The following RAPH1 variants were observed in gnomAD, a reference collection of about 807,000 sequenced individuals.
RAPH1 encodes ras-associated and pleckstrin homology domains-containing protein 1.
In RAPH1, 18 loss-of-function variants were observed where a neutral mutation model predicts 88.1. That is an observed-to-expected ratio of 0.20 (90% confidence interval 0.14 to 0.30). RAPH1 has a LOEUF of 0.30. Among genes scored for constraint, RAPH1 ranks in the 10% least tolerant of loss-of-function variants. The pLI is 1.00. For synonymous variants in RAPH1, 587 were observed against 559.0 expected (o/e 1.05, Z -0.71); for missense variants, 1,448 against 1,543.2 (o/e 0.94, Z 1.03).
chr2:203,462,873 G>T (rs753819419), intron 4 of RAPH1, among the ~76,000 whole-genome samples: 10 of 151,788 alleles, frequency 6.6e-5, no homozygotes, highest in African/African-American at 1.2e-4. Context: ...CTATTTCTAG[G>T]CTTTTGATTA....
intron 12 of RAPH1, 183 bp from the exon 13 acceptor site, chr2:203,445,193 G>C: frequency 2.1e-6 from 1 of 470,896 alleles, no homozygotes. Flanking sequence ...CCTTACCTTG[G>C]AATTAAGAAA....
intron 12 of RAPH1, chr2:203,445,545 G>A (rs908205118): frequency 3.9e-5 from 6 of 152,708 alleles, no homozygotes; most frequent in African/African-American, 1.4e-4. Flanking sequence ...TGGACCCATA[G>A]GGTGGCAGCT....
intron 1 of RAPH1, among the ~76,000 whole-genome samples, chr2:203,517,349 C>A (rs1689659623): frequency 1.0e-5 from 1 of 97,974 alleles, no homozygotes; most frequent in South Asian, 3.3e-4. Flanking sequence ...GAGCATCAAA[C>A]TATGAGAGGC....
chr2:203,491,809 A>G (rs1401604360), intron 2 of RAPH1, among the ~76,000 whole-genome samples: 1 of 152,212 alleles, frequency 6.6e-6, no homozygotes, highest in Non-Finnish European at 1.5e-5. Flanking sequence ...TATCTGGCCT[A>G]TGCTTACTTT....
chr2:203,525,187 T>A (rs1381076811), intron 1 of RAPH1, among the ~76,000 whole-genome samples: 3 of 152,186 alleles, frequency 2.0e-5, no homozygotes, highest in Admixed American at 2.0e-4. Flanking sequence ...TATTAACATC[T>A]TCTTTTTTGT....
At chr2:203,503,559 C>T (rs1476958913) in intron 1 of RAPH1, among the ~76,000 whole-genome samples, 3 of 152,136 alleles carry the variant, frequency 2.0e-5, no homozygotes, top group African/African-American at 7.2e-5. Flanking sequence ...CTGGGAGATA[C>T]AATTCAAGTT....
chr2:203,482,269 T>C lies in RAPH1; in HGVS notation c.732+7315A>G, dbSNP rs535255341. Among the ~76,000 whole-genome samples, 9 of 152,280 alleles carry C rather than the reference T, an allele frequency of 5.9e-5. No individual in the cohort carries two copies. In the East Asian group the frequency reaches 1.5e-3, roughly 26 times the overall value. On this transcript the variant is annotated intron_variant, in intron 4 of 13. Coordinates refer to ENST00000319170, the MANE Select transcript of RAPH1 (RefSeq NM_213589.3). ...GGCATCATCTCAGCTCACTGCAACC[T>C]CTGCCGCCCAGGTTCAAGTGATTCT...
chr2:203,507,106 A>G (rs1233518934), intron 1 of RAPH1, among the ~76,000 whole-genome samples: 1 of 150,784 alleles, frequency 6.6e-6, no homozygotes, highest in Non-Finnish European at 1.5e-5. Flanking sequence ...CATGTTGACC[A>G]GGCTGGTCTT....
intron 1 of RAPH1, among the ~76,000 whole-genome samples, chr2:203,529,005 ATTTTT>A (rs66832810): frequency 1.4e-3 from 56 of 41,136 alleles, no homozygotes; most frequent in African/African-American, 6.2e-3. Context: ...ATATATATAT[ATTTTT>A]TTTTTTTTTT....
intron 2 of RAPH1, among the ~76,000 whole-genome samples, chr2:203,493,971 C>CAAAAAAAAAAAAAAAAAAA (rs397937732): frequency 1.6e-4 from 3 of 18,964 alleles, no homozygotes; most frequent in Non-Finnish European, 2.4e-4. Flanking sequence ...GACTCTATCT[C>CAAAAAAAAAAAAAAAAAAA]AAAAAAAAAA....
chr2:203,480,979 G>A (rs1335019317), intron 4 of RAPH1, among the ~76,000 whole-genome samples: 1 of 152,022 alleles, frequency 6.6e-6, no homozygotes, highest in Non-Finnish European at 1.5e-5. Context: ...AATTATGAAC[G>A]ATTAATATTA....
At chr2:203,459,147 G>C (rs1260595817) in intron 7 of RAPH1, among the ~76,000 whole-genome samples, 2 of 152,188 alleles carry the variant, frequency 1.3e-5, no homozygotes, top group Non-Finnish European at 2.9e-5. Flanking sequence ...GGGATTACAG[G>C]AGTGAGCCAT....
chr2:203,529,104 G>T, intron 1 of RAPH1, among the ~76,000 whole-genome samples: 1 of 137,128 alleles, frequency 7.3e-6, no homozygotes, highest in East Asian at 2.3e-4. Context: ...TCAGCCTCCC[G>T]AGTTAACTGC....
At chr2:203,510,436 A>T (rs1316685998) in intron 1 of RAPH1, among the ~76,000 whole-genome samples, 1 of 152,096 alleles carries the variant, frequency 6.6e-6, no homozygotes. Context: ...GACCATTCAT[A>T]AAGAAGCCAG....
intron 1 of RAPH1, among the ~76,000 whole-genome samples, chr2:203,513,357 T>C (rs1391349553): frequency 7.2e-6 from 1 of 139,242 alleles, no homozygotes; most frequent in African/African-American, 2.8e-5. Context: ...CAATCTTTTT[T>C]TTTTTTTTTT....
rs1050234129 is a variant in RAPH1 at position 203,435,674 on chromosome 2, G to A, written c.*3763C>T. The A allele has an allele frequency of 3.3e-5, 5 of 152,118 alleles. No individual in the cohort carries two copies. The highest frequency in any genetic ancestry group is 9.7e-5 in the African/African-American group (4 of 41,408). 9.4% of individuals were successfully genotyped at this position (152,118 alleles called of 1,614,324 possible). A position where few individuals can be genotyped will look rare whatever the true frequency, so the allele number is the denominator to read the frequency against. On this transcript the variant is annotated 3_prime_UTR_variant, in exon 14 of 14. Transcript: ENST00000319170. Reference sequence around the variant, plus strand: ...CATACAGGATCCTATGGGTTTAACTGGTCTAAACTTGAGTGGATTAAATCA... The same window carrying A: ...CATACAGGATCCTATGGGTTTAACTAGTCTAAACTTGAGTGGATTAAATCA...
intron 12 of RAPH1, chr2:203,446,487 C>G (rs2098509790): frequency 6.6e-6 from 1 of 152,198 alleles, no homozygotes; most frequent in Admixed American, 6.5e-5. Context: ...ACAGTCCACA[C>G]TTGAGGACTT....
At chr2:203,467,799 ACT>A (rs1257546779) in intron 4 of RAPH1, among the ~76,000 whole-genome samples, 1 of 151,442 alleles carries the variant, frequency 6.6e-6, no homozygotes, top group Non-Finnish European at 1.5e-5. Context: ...ATAGGGTCTC[ACT>A]CTGTCACCCA....
At chr2:203,442,049 G>A in intron 13 of RAPH1, 1 of 1,591,128 alleles carries the variant, frequency 6.3e-7, no homozygotes, top group Non-Finnish European at 8.5e-7. Context: ...AGCAATGCAG[G>A]TAAAGGGGGG....
Sources: allele counts gnomAD v4.1 joint callset (sites outside exome capture counted in the v4.1 genomes callset), GRCh38; gene constraint gnomAD v4.1.1; transcripts MANE v1.5; gene names NCBI Gene and HGNC (gene_info 2026-07-23, HGNC 2026-07-21).